PCDH9: variants seen among roughly 807,000 people sequenced by gnomAD.
The protein encoded by PCDH9 is protocadherin-9.
In PCDH9, 24 loss-of-function variants were observed where a neutral mutation model predicts 70.6. The ratio of observed to expected loss-of-function variants is 0.34; its 90% CI spans 0.25 to 0.48. The LOEUF (loss-of-function observed/expected upper bound fraction) is 0.48. Among genes scored for constraint, PCDH9 ranks in the 20% least tolerant of loss-of-function variants. PCDH9 has a pLI of 0.99. For synonymous variants in PCDH9, 562 were observed against 558.5 expected (o/e 1.01, Z -0.09); for missense variants, 1,281 against 1,503.6 (o/e 0.85, Z 2.45).
At chr13:66,976,637 A>G (rs1007209982) in intron 2 of PCDH9, among the ~76,000 whole-genome samples, 4 of 152,118 alleles carry the variant, frequency 2.6e-5, no homozygotes, top group South Asian at 4.1e-4. Context: ...ACAGAAGTCA[A>G]TACTTAGGCA....
intron 2 of PCDH9, chr13:66,990,904 G>C (rs1484104821): frequency 6.6e-6 from 1 of 151,726 alleles, no homozygotes; most frequent in Non-Finnish European, 1.5e-5. Flanking sequence ...TCAACAATAC[G>C]CTTATTACAT....
chr13:66,845,365 T>C (rs892278358), intron 3 of PCDH9, among the ~76,000 whole-genome samples: 1 of 152,148 alleles, frequency 6.6e-6, no homozygotes, highest in African/African-American at 2.4e-5. Flanking sequence ...CCTGGCCAGG[T>C]TGTGACAGCG....
chr13:66,498,957 C>T (rs1959159362), intron 4 of PCDH9, among the ~76,000 whole-genome samples: 1 of 151,276 alleles, frequency 6.6e-6, no homozygotes, highest in Admixed American at 6.6e-5. Flanking sequence ...TCAAATGTCA[C>T]ATGGCAATAG....
At chr13:66,930,996 T>C (rs1037133737) in intron 2 of PCDH9, among the ~76,000 whole-genome samples, 3 of 152,158 alleles carry the variant, frequency 2.0e-5, no homozygotes, top group African/African-American at 7.2e-5. Context: ...GAACAATGCA[T>C]TAAGTGGCAG....
intron 2 of PCDH9, among the ~76,000 whole-genome samples, chr13:67,143,038 A>G (rs535568092): frequency 2.6e-4 from 40 of 152,104 alleles, no homozygotes; most frequent in Non-Finnish European, 4.6e-4. Flanking sequence ...TAAGAAAGAA[A>G]GAAAGAAAAA....
intron 4 of PCDH9, among the ~76,000 whole-genome samples, chr13:66,583,342 G>T (rs1402673629): frequency 6.6e-6 from 1 of 152,088 alleles, no homozygotes; most frequent in Non-Finnish European, 1.5e-5. Flanking sequence ...GCTGGGCATG[G>T]TGGCTCACGC....
intron 3 of PCDH9, among the ~76,000 whole-genome samples, chr13:66,848,230 A>C (rs1260855522): frequency 1.3e-5 from 2 of 152,188 alleles, no homozygotes; most frequent in African/African-American, 4.8e-5. Context: ...CTTAATAAAA[A>C]TAAGCTATAT....
At chr13:66,620,695 CTTTT>C (rs956350941) in intron 4 of PCDH9, among the ~76,000 whole-genome samples, 8 of 147,248 alleles carry the variant, frequency 5.4e-5, no homozygotes, top group Non-Finnish European at 1.1e-4. Flanking sequence ...ATCAGTGTTC[CTTTT>C]TTTTTTGTCT....
chr13:66,827,963 T>G (rs927994122), intron 3 of PCDH9, among the ~76,000 whole-genome samples: 1 of 152,012 alleles, frequency 6.6e-6, no homozygotes, highest in Non-Finnish European at 1.5e-5. Context: ...AAGTTACCTA[T>G]TATTCCTTTT....
chr13:67,086,252 C>G (rs1472872105), intron 2 of PCDH9, among the ~76,000 whole-genome samples: 1 of 152,012 alleles, frequency 6.6e-6, no homozygotes, highest in East Asian at 1.9e-4. Context: ...TTTTAGTCAC[C>G]ATGGTTTTGT....
intron 3 of PCDH9, among the ~76,000 whole-genome samples, chr13:66,785,550 T>G (rs1443181446): frequency 6.6e-6 from 1 of 152,082 alleles, no homozygotes; most frequent in African/African-American, 2.4e-5. Context: ...GAATATATAT[T>G]GATCAAAACA....
At chr13:66,390,970 C>A (rs917534063) in intron 4 of PCDH9, among the ~76,000 whole-genome samples, 3 of 152,054 alleles carry the variant, frequency 2.0e-5, no homozygotes, top group Non-Finnish European at 2.9e-5. Flanking sequence ...GGAAAAGATA[C>A]AATGATAAAA....
rs1555272303 is a variant in PCDH9 at position 66,822,136 on chromosome 13, G to GCGCACA, written c.3138+81367_3138+81368insTGTGCG. On this transcript the variant is annotated intron_variant, in intron 3 of 4. Transcript: ENST00000377865. ...AATAAGGTTGACCCATCACACACGC[G>GCGCACA]CACACACACACACACACACACACTC... is the stretch of plus-strand genomic sequence containing the variant. 5.6e-4 allele frequency among the ~76,000 whole-genome samples: 83 copies of GCGCACA among 149,262 alleles called. 2 individuals are homozygous for GCGCACA. Among genetic ancestry groups the GCGCACA allele is most frequent in the South Asian group, 1.1e-3 (5 of 4,674 alleles).
intron 3 of PCDH9, among the ~76,000 whole-genome samples, chr13:66,757,706 G>T (rs2079558461): frequency 6.6e-6 from 1 of 151,984 alleles, no homozygotes; most frequent in Non-Finnish European, 1.5e-5. Flanking sequence ...GACTACTATA[G>T]AAATAAAATA....
At chr13:66,710,828 T>C (rs1000649867) in intron 3 of PCDH9, among the ~76,000 whole-genome samples, 2 of 152,100 alleles carry the variant, frequency 1.3e-5, no homozygotes, top group African/African-American at 4.8e-5. Flanking sequence ...AACATTCAAA[T>C]CCAGCAAGGT....
chr13:66,311,332 A>G (rs992925135), intron 4 of PCDH9, among the ~76,000 whole-genome samples: 10 of 143,488 alleles, frequency 7.0e-5, no homozygotes, highest in Non-Finnish European at 1.2e-4. Context: ...TTATCCCTCA[A>G]TTTTTCTCTC....
At chr13:66,754,717 T>C (rs2079514460) in intron 3 of PCDH9, among the ~76,000 whole-genome samples, 1 of 152,282 alleles carries the variant, frequency 6.6e-6, no homozygotes, top group East Asian at 1.9e-4. Context: ...CTAGCATTTG[T>C]ATTGAAACTA....
chr13:66,980,739 TTTG>T (rs1181931315), intron 2 of PCDH9, among the ~76,000 whole-genome samples: 2 of 139,578 alleles, frequency 1.4e-5, no homozygotes, highest in East Asian at 2.0e-4. Flanking sequence ...TGTTTTTTTT[TTTG>T]TTTTTTTTTT....
intron 3 of PCDH9, among the ~76,000 whole-genome samples, chr13:66,752,828 G>T (rs1032436837): frequency 6.6e-6 from 1 of 152,166 alleles, no homozygotes; most frequent in African/African-American, 2.4e-5. Context: ...GTTCAGAAAA[G>T]AGAAATAGGG....
Sources: gnomAD v4.1 joint callset for allele counts (sites outside exome capture counted in the v4.1 genomes callset) on GRCh38, gnomAD v4.1.1 for gene constraint, MANE v1.5 for transcripts, NCBI Gene and HGNC (gene_info 2026-07-23, HGNC 2026-07-21) for gene names.